Variants in WDR81 observed in about 807,000 individuals in gnomAD.
The protein encoded by WDR81 is WD repeat-containing protein 81.
A neutral mutation model predicts 140.8 loss-of-function variants in WDR81; 92 were observed. The observed-to-expected ratio is 0.65, with a 90% CI of 0.55 to 0.78. The LOEUF is 0.78. Among genes scored for constraint, WDR81 ranks in the 30% least tolerant of loss-of-function variants. WDR81 has a pLI of 0.00. For missense variants in WDR81, 2,502 were observed against 2,636.4 expected (o/e 0.95, Z 1.12); for synonymous variants, 1,183 against 1,156.4 (o/e 1.02, Z -0.47).
upstream of WDR81, among the ~76,000 whole-genome samples, chr17:1,724,342 C>A (rs1462207746): frequency 6.6e-6 from 1 of 152,202 alleles, no homozygotes. Context: ...CCAGCCTGGG[C>A]GACAGAGCAA....
chr17:1,733,295 A>G (rs1027177147), intron 6 of WDR81, among the ~76,000 whole-genome samples: 1 of 152,210 alleles, frequency 6.6e-6, no homozygotes, highest in Non-Finnish European at 1.5e-5. Flanking sequence ...TCCATATTCT[A>G]TTCCTAGTGC....
intron 1 of WDR81, among the ~76,000 whole-genome samples, chr17:1,730,115 G>T (rs1318086367): frequency 6.6e-6 from 1 of 152,220 alleles, no homozygotes; most frequent in Non-Finnish European, 1.5e-5. Context: ...GCCTTGTTAA[G>T]GAGTTTCAGA....
Position 1,728,341 on chromosome 17 carries a change from G to A in WDR81, c.3382G>A (p.Gly1128Arg), listed in dbSNP as rs373691112. 3 of 1,612,922 alleles carry A rather than the reference G, an allele frequency of 1.9e-6. No individual in the cohort carries two copies. The highest frequency in any genetic ancestry group is 2.5e-6 in the Non-Finnish European group (3 of 1,180,016). Residue 1128 changes from glycine (G) to arginine (R), a missense_variant, in exon 1 of 10, where the codon GGG becomes AGG. Gly to Arg is a moderately radical substitution (Grantham distance 125). This residue lies in a region of WDR81 where 1,737 missense variants were observed against 1,843.0 expected (regional missense o/e 0.94). Transcript: ENST00000409644. ...SLGEERAPDE[G>R]GAPVDKSSLR... Reference sequence around the variant, plus strand: ...GGGTGAGGAGCGGGCTCCAGACGAGGGGGGTGCCCCCGTGGACAAGAGCAG... The same window carrying A: ...GGGTGAGGAGCGGGCTCCAGACGAGAGGGGTGCCCCCGTGGACAAGAGCAG...
intron 7 of WDR81, among the ~76,000 whole-genome samples, chr17:1,734,814 G>A (rs1455243406): frequency 6.6e-6 from 1 of 151,954 alleles, no homozygotes; most frequent in Non-Finnish European, 1.5e-5. Flanking sequence ...CACATGTAGG[G>A]TTTTGGCTTC....
intron 9 of WDR81, among the ~76,000 whole-genome samples, chr17:1,736,853 T>C (rs954495425): frequency 3.3e-5 from 5 of 152,188 alleles, no homozygotes; most frequent in African/African-American, 1.2e-4. Context: ...GAGTCTTGCA[T>C]TGCCCTGCTG....
rs529879679 is a variant in WDR81, at chr17:1,736,024, G to C, written c.5326-15G>C. ...GGGAAGGTGGTGCCTCAGCTCAGCC[G>C]CCCTCTCCCTGCAGCACGAGTTCCG... On this transcript the variant is annotated splice_polypyrimidine_tract_variant and intron_variant, in intron 8 of 9. Transcript: ENST00000409644. The C allele has an allele frequency of 3.2e-6, 5 of 1,580,988 alleles. No individual in the cohort carries two copies. In the South Asian group the frequency reaches 4.5e-5, roughly 14 times the overall value.
intron 1 of WDR81, among the ~76,000 whole-genome samples, chr17:1,729,977 C>T (rs1314565589): frequency 2.2e-5 from 3 of 136,956 alleles, no homozygotes; most frequent in African/African-American, 5.6e-5. Context: ...GGCAACAGTG[C>T]GAGACTCTGT....
chr17:1,729,410 G>A (rs1193621229), intron 1 of WDR81, among the ~76,000 whole-genome samples: 4 of 152,034 alleles, frequency 2.6e-5, no homozygotes, highest in East Asian at 1.9e-4. Flanking sequence ...AACCCAGGAG[G>A]TGGAGGTTGC....
chr17:1,727,082 G>T lies in WDR81; in HGVS notation c.2123G>T (p.Gly708Val), dbSNP rs911755703. 1 of 1,549,404 alleles carries T rather than the reference G, an allele frequency of 6.5e-7. No homozygotes were observed. The highest frequency in any genetic ancestry group is 1.4e-5 in the African/African-American group (1 of 72,980). The change falls in exon 1 of 10, where the codon GGG (glycine) becomes GTG (valine). Residue 708 changes from glycine (G) to valine (V), a missense_variant. By Grantham distance (109) the Gly-to-Val change is moderately radical (BLOSUM62 -3). Around this residue, in one of 3 missense-constraint regions of WDR81, gnomAD observed 1,737 missense variants for 1,843.0 expected, o/e 0.94. Transcript: ENST00000409644. ...SRPGRRNKAA[G>V]ADPGEGEEGR... ...CCAGGCCGCAGGAATAAAGCTGCTG[G>T]GGCAGACCCTGGGGAGGGTGAGGAG...
chr17:1,733,551 C>T lies in WDR81; in HGVS notation c.4514C>T (p.Pro1505Leu). 1 of 1,518,542 alleles carries T rather than the reference C, an allele frequency of 6.6e-7. No individual in the cohort carries two copies. Among genetic ancestry groups the T allele is most frequent in the Non-Finnish European group, 8.8e-7 (1 of 1,134,658 alleles). The allele number at this position is 1,518,542 out of a possible 1,614,324, so 94.1% of individuals were successfully genotyped here. The stretch of plus-strand genomic sequence containing the variant: ...GGTGACATCATCCGGAAAATCATCC[C>T]CAACCACGAGCTGGTTGGGGAGCTG... ...LLGDIIRKII[P>L]NHELVGELAA... Residue 1505 changes from proline (P) to leucine (L), a missense_variant, in exon 7 of 10, where the codon CCC becomes CTC. Physicochemically the swap from Pro to Leu is moderately conservative, Grantham distance 98. This residue lies in a region of WDR81 where 1,737 missense variants were observed against 1,843.0 expected (regional missense o/e 0.94). Transcript: ENST00000409644.
chr17:1,731,020 CA>C (rs778438427), intron 3 of WDR81, 47 bp from the exon 4 acceptor site: 13 of 1,605,364 alleles, frequency 8.1e-6, no homozygotes, highest in Non-Finnish European at 1.0e-5. Flanking sequence ...CTCTTGGTGC[CA>C]GGGGGTCTGT....
chr17:1,727,720 C>G lies in WDR81; in HGVS notation c.2761C>G (p.Leu921Val). Residue 921 changes from leucine (L) to valine (V), a missense_variant, in exon 1 of 10, where the codon CTG becomes GTG. By Grantham distance (32) the Leu-to-Val change is conservative (BLOSUM62 1). This residue lies in a region of WDR81 where 1,737 missense variants were observed against 1,843.0 expected (regional missense o/e 0.94). Coordinates refer to ENST00000409644, the MANE Select transcript of WDR81 (RefSeq NM_001163809.2). ...AVLKDITPEGLEILLPFVLSL... is the reference protein window; with the variant it reads ...AVLKDITPEGVEILLPFVLSL... ...GCTGAAGGACATCACCCCTGAGGGC[C>G]TGGAGATCCTGCTGCCCTTCGTGCT... 3 of 1,550,602 alleles carry G rather than the reference C, an allele frequency of 1.9e-6. No individual in the cohort carries two copies. The highest frequency in any genetic ancestry group is 1.7e-4 in the Middle Eastern group (1 of 5,992).
At chr17:1,717,685 G>T (rs1914653647) in intron 1 of WDR81, among the ~76,000 whole-genome samples, 1 of 152,284 alleles carries the variant, frequency 6.6e-6, no homozygotes, top group African/African-American at 2.4e-5. Flanking sequence ...CCACTCCCAT[G>T]GGTGGTGAAG....
Position 1,726,659 on chromosome 17 carries a change from A to G in WDR81, c.1700A>G (p.His567Arg). 1.9e-6 allele frequency: 3 copies of G among 1,550,146 alleles called. No individual in the cohort carries two copies. The highest frequency in any genetic ancestry group is 2.4e-5 in the East Asian group (1 of 40,912). Residue 567 changes from histidine (H) to arginine (R), a missense_variant, in exon 1 of 10, where the codon CAC becomes CGC. Coordinates refer to ENST00000409644, the MANE Select transcript of WDR81 (RefSeq NM_001163809.2). ...EAVKEKNVCL[H>R]LVDAHTHLAS... ...GTCAAGGAAAAGAATGTGTGTCTGC[A>G]CCTGGTGGACGCCCACACTCACCTG...
Position 1,727,675 on chromosome 17 carries a change from T to C in WDR81, c.2716T>C (p.Trp906Arg), listed in dbSNP as rs747987809. 5 of 1,550,408 alleles carry C rather than the reference T, an allele frequency of 3.2e-6. No individual in the cohort carries two copies. The highest frequency in any genetic ancestry group is 4.4e-6 in the Non-Finnish European group (5 of 1,147,012). Residue 906 changes from tryptophan (W) to arginine (R), a missense_variant, in exon 1 of 10, where the codon TGG becomes CGG. Coordinates refer to ENST00000409644, the MANE Select transcript of WDR81 (RefSeq NM_001163809.2). ...AQGRELVFAL[W>R]QQLGAVLKDI... is the part of the protein sequence containing the mutation. ...GGGGCGCGAGCTGGTGTTTGCTCTG[T>C]GGCAGCAGCTGGGCGCGGTGCTGAA...
Position 1,728,516 on chromosome 17 carries a change from C to T in WDR81, c.3557C>T (p.Thr1186Met), listed in dbSNP as rs756849013. 3.9e-5 allele frequency: 61 copies of T among 1,577,160 alleles called. No homozygotes were observed. Among genetic ancestry groups the T allele is most frequent in the Middle Eastern group, 1.7e-4 (1 of 6,028 alleles). The stretch of plus-strand genomic sequence containing the variant: ...GCATCTGAGCTCACTCTGTCTGACA[C>T]GGTGCTGTCCATGGAGACGGTTGTG... The part of the protein sequence containing the change: ...TGASELTLSD[T>M]VLSMETVVAG... The change falls in exon 1 of 10, where the codon ACG becomes ATG. Residue 1186 changes from threonine to methionine, a missense_variant. Thr to Met is a moderately conservative substitution (Grantham distance 81). Around this residue, in one of 3 missense-constraint regions of WDR81, gnomAD observed 1,737 missense variants for 1,843.0 expected, o/e 0.94. Transcript: ENST00000409644.
chr17:1,737,015 T>C (rs1904926802), intron 9 of WDR81, among the ~76,000 whole-genome samples: 1 of 152,142 alleles, frequency 6.6e-6, no homozygotes, highest in Non-Finnish European at 1.5e-5. Context: ...CCCATGACCT[T>C]GGTATGGTTA....
Position 1,737,975 on chromosome 17 carries a change from C to A in WDR81, c.*290C>A. The A allele has an allele frequency of 1.9e-6, 1 of 525,236 alleles. No individual in the cohort carries two copies. The highest frequency in any genetic ancestry group is 3.4e-6 in the Non-Finnish European group (1 of 293,470). 32.5% of individuals were successfully genotyped at this position (525,236 alleles called of 1,614,324 possible). The stretch of plus-strand genomic sequence containing the variant: ...GAAGCGTTGCTACCTTCACTTCTCC[C>A]CAGCTCTGCCCTCTGGGTCCACATG... On this transcript the variant is annotated 3_prime_UTR_variant, in exon 10 of 10. Coordinates refer to ENST00000409644, the MANE Select transcript of WDR81 (RefSeq NM_001163809.2).
intron 1 of WDR81, among the ~76,000 whole-genome samples, chr17:1,717,505 G>A (rs1411886251): frequency 6.6e-6 from 1 of 152,182 alleles, no homozygotes; most frequent in Non-Finnish European, 1.5e-5. Context: ...TAATTGATAA[G>A]GTTCACTTGG....
Sources: allele counts gnomAD v4.1 joint callset (sites outside exome capture counted in the v4.1 genomes callset), GRCh38; gene constraint gnomAD v4.1.1; regional missense constraint gnomAD v4.1.1; transcripts MANE v1.5; gene names NCBI Gene and HGNC (gene_info 2026-07-23, HGNC 2026-07-21).